Variants in SHISA9 observed in about 807,000 individuals in gnomAD.
SHISA9 encodes shisa family member 9.
In SHISA9, 13 loss-of-function variants were observed where a neutral mutation model predicts 38.0. The observed-to-expected ratio is 0.34, with a 90% CI of 0.22 to 0.54. The LOEUF is 0.54. Among genes scored for constraint, SHISA9 ranks in the 20% least tolerant of loss-of-function variants. The pLI is 0.91. For synonymous variants in SHISA9, 275 were observed against 242.0 expected (o/e 1.14, Z -1.27); for missense variants, 538 against 575.8 (o/e 0.93, Z 0.67).
At chr16:13,314,202 C>CA in the SHISA9 span, among the ~76,000 whole-genome samples, 3 of 112,080 alleles carry the variant, frequency 2.7e-5, no homozygotes, top group African/African-American at 9.4e-5. Context: ...ATTTTTATTT[C>CA]ATTTTTTTTT....
At chr16:12,996,593 C>G (rs988533969) in intron 2 of SHISA9, among the ~76,000 whole-genome samples, 1 of 152,140 alleles carries the variant, frequency 6.6e-6, no homozygotes, top group African/African-American at 2.4e-5. Flanking sequence ...GTGCAGTGTT[C>G]AACTGTGCAA....
the SHISA9 span, among the ~76,000 whole-genome samples, chr16:13,286,864 C>A: frequency 3.3e-5 from 5 of 152,160 alleles, no homozygotes; most frequent in Admixed American, 2.6e-4. Context: ...TGAGATGAAG[C>A]TGTGGGGAAT....
chr16:13,506,002 C>G, the SHISA9 span, among the ~76,000 whole-genome samples: 1 of 152,282 alleles, frequency 6.6e-6, no homozygotes, highest in African/African-American at 2.4e-5. Context: ...TCATCTGTAC[C>G]TATATCTAGG....
intron 2 of SHISA9, among the ~76,000 whole-genome samples, chr16:12,966,888 G>A (rs1380029358): frequency 6.6e-6 from 1 of 152,216 alleles, no homozygotes; most frequent in Admixed American, 6.5e-5. Flanking sequence ...ATAATTAGCT[G>A]TCCAGACAAT....
chr16:13,023,727 T>C (rs1214550216), intron 2 of SHISA9, among the ~76,000 whole-genome samples: 2 of 152,232 alleles, frequency 1.3e-5, no homozygotes, highest in Non-Finnish European at 2.9e-5. Flanking sequence ...TGGCGTGAGA[T>C]GGTATCTCAT....
At position 13,192,898 on chromosome 16, in the gene SHISA9, G is replaced by A. The variant is rs1044316713; in HGVS notation, c.692-10496G>A. ...TCAAAAAAAAGAGAAGAAGAAGAAAGAAGGAGGAGGAGGAGAAGAGGAGGA... is the reference window on the plus strand; with the variant it reads ...TCAAAAAAAAGAGAAGAAGAAGAAAAAAGGAGGAGGAGGAGAAGAGGAGGA... On this transcript the variant is annotated intron_variant, in intron 2 of 4. Transcript: ENST00000558583. 6.6e-5 allele frequency among the ~76,000 whole-genome samples: 10 copies of A among 151,300 alleles called. No individual in the cohort carries two copies. In the South Asian group the frequency reaches 1.1e-3, roughly 16 times the overall value.
intron 2 of SHISA9, among the ~76,000 whole-genome samples, chr16:12,984,069 G>T (rs2141825817): frequency 6.6e-6 from 1 of 152,144 alleles, no homozygotes. Context: ...TCCATCTGGG[G>T]CTCTTCATAT....
At chr16:13,158,574 C>T (rs2050567303) in intron 2 of SHISA9, among the ~76,000 whole-genome samples, 1 of 152,142 alleles carries the variant, frequency 6.6e-6, no homozygotes, top group African/African-American at 2.4e-5. Context: ...CTTGGGCTAC[C>T]AGCTCCCAAT....
Position 12,934,318 on chromosome 16 carries a change from T to C in SHISA9, c.691+17503T>C, listed in dbSNP as rs1156306671. ...TGTGTGTCAATGCTTGACCTGACCA[T>C]CCAATAATGCTTCCCAGTGGATGCT... On this transcript the variant is annotated intron_variant, in intron 2 of 4. Transcript: ENST00000558583. 5.9e-5 allele frequency among the ~76,000 whole-genome samples: 9 copies of C among 152,226 alleles called. 1 individual carries two copies. The highest frequency in any genetic ancestry group is 5.9e-4 in the Admixed American group (9 of 15,286).
chr16:13,041,807 A>G (rs974019013), intron 2 of SHISA9, among the ~76,000 whole-genome samples: 2 of 152,170 alleles, frequency 1.3e-5, no homozygotes, highest in African/African-American at 2.4e-5. Context: ...ATGGATTCCA[A>G]TTTAGTAGGT....
At chr16:13,314,924 C>G in the SHISA9 span, among the ~76,000 whole-genome samples, 9 of 152,124 alleles carry the variant, frequency 5.9e-5, no homozygotes, top group African/African-American at 2.2e-4. Flanking sequence ...CTGTAGTTGA[C>G]AATACTGTAT....
At chr16:13,031,580 T>A (rs59446986) in intron 2 of SHISA9, among the ~76,000 whole-genome samples, 7 of 152,134 alleles carry the variant, frequency 4.6e-5, no homozygotes, top group Non-Finnish European at 7.4e-5. Context: ...GGAGTTCAGA[T>A]GGAGCATGCC....
the SHISA9 span, among the ~76,000 whole-genome samples, chr16:13,489,959 C>T: frequency 6.6e-6 from 1 of 152,028 alleles, no homozygotes. Context: ...CTGCAGTGGA[C>T]AGTGTAAAAA....
At chr16:13,197,102 C>CATATATAT (rs139944963) in intron 2 of SHISA9, among the ~76,000 whole-genome samples, 30,452 of 146,922 alleles carry the variant, frequency 0.21, 3,470 homozygotes, top group East Asian at 0.4. Flanking sequence ...TCTCTCTGTA[C>CATATATAT]ATACACACAC....
the SHISA9 span, among the ~76,000 whole-genome samples, chr16:13,277,720 C>T: frequency 6.6e-6 from 1 of 151,758 alleles, no homozygotes; most frequent in Non-Finnish European, 1.5e-5. Flanking sequence ...TGATTCTCCA[C>T]TTGGTCGCTG....
intron 2 of SHISA9, among the ~76,000 whole-genome samples, chr16:12,957,129 T>C (rs1477009383): frequency 6.6e-6 from 1 of 152,166 alleles, no homozygotes; most frequent in African/African-American, 2.4e-5. Flanking sequence ...CATATTGTAT[T>C]AATAAATGCT....
the SHISA9 span, among the ~76,000 whole-genome samples, chr16:13,493,796 G>C: frequency 6.6e-6 from 1 of 152,172 alleles, no homozygotes. Flanking sequence ...TAAGTGCTTT[G>C]CCTGGCATAT....
At chr16:13,232,396 CCTGCACGTT>C (rs2051340212) in intron 4 of SHISA9, among the ~76,000 whole-genome samples, 2 of 152,016 alleles carry the variant, frequency 1.3e-5, no homozygotes. Context: ...ACCTATGTAA[CCTGCACGTT>C]CTGCACATGT....
intron 2 of SHISA9, among the ~76,000 whole-genome samples, chr16:12,976,278 A>G (rs970839747): frequency 6.6e-6 from 1 of 152,032 alleles, no homozygotes; most frequent in African/African-American, 2.4e-5. Flanking sequence ...TTTAGTAGAG[A>G]CAGGGTTTCA....
Sources: allele counts gnomAD v4.1 joint callset (sites outside exome capture counted in the v4.1 genomes callset), GRCh38; gene constraint gnomAD v4.1.1; transcripts MANE v1.5; gene names NCBI Gene and HGNC (gene_info 2026-07-23, HGNC 2026-07-21).